Variants in BANK1 observed in about 807,000 individuals in gnomAD.
BANK1 encodes B-cell scaffold protein with ankyrin repeats.
Under a neutral mutation model 94.5 loss-of-function variants are expected in BANK1, and 95 were observed. The ratio of observed to expected loss-of-function variants is 1.00; its 90% confidence interval spans 0.85 to 1.19. BANK1 has a LOEUF of 1.19. Among genes scored for constraint, BANK1 ranks in the 50% most tolerant of loss-of-function variants. The pLI, the probability that BANK1 is intolerant of heterozygous loss-of-function variation, is 0.00. For synonymous variants in BANK1, 334 were observed against 308.4 expected, an observed-to-expected ratio of 1.08 and a Z score of -0.87; for missense variants, 987 against 932.2, an observed-to-expected ratio of 1.06 and a Z score of -0.77.
At chr4:102,029,310 C>T (rs374414367) in intron 9 of BANK1, among the ~76,000 whole-genome samples, 2 of 152,052 alleles carry the variant, frequency 1.3e-5, no homozygotes, top group East Asian at 3.9e-4. Context: ...GTGCCTTTGG[C>T]TATTTCTCCC....
intron 7 of BANK1, among the ~76,000 whole-genome samples, chr4:102,020,914 T>A (rs1186148475): frequency 6.6e-6 from 1 of 152,132 alleles, no homozygotes; most frequent in Non-Finnish European, 1.5e-5. Flanking sequence ...TCCATGTCTC[T>A]TTAGAGATTA....
chr4:101,931,376 G>A (rs979667427), intron 7 of BANK1, among the ~76,000 whole-genome samples: 1 of 151,540 alleles, frequency 6.6e-6, no homozygotes, highest in African/African-American at 2.4e-5. Flanking sequence ...GAACTGGAAT[G>A]TCTGTGTTTT....
intron 7 of BANK1, among the ~76,000 whole-genome samples, chr4:102,006,099 A>G (rs373767842): frequency 6.6e-6 from 1 of 152,068 alleles, no homozygotes; most frequent in Non-Finnish European, 1.5e-5. Context: ...CCCCCATTGT[A>G]TAATACTAAT....
intron 1 of BANK1, among the ~76,000 whole-genome samples, chr4:101,795,273 G>A (rs576271771): frequency 6.6e-6 from 1 of 152,242 alleles, no homozygotes; most frequent in African/African-American, 2.4e-5. Context: ...TAGTTGATAA[G>A]TAAGGGTGTC....
chr4:101,896,469 A>G (rs1578384462), intron 6 of BANK1, among the ~76,000 whole-genome samples: 1 of 152,106 alleles, frequency 6.6e-6, no homozygotes, highest in Middle Eastern at 3.4e-3. Context: ...ACTGCTTGTG[A>G]TTCACCTAGA....
chr4:102,071,217 G>T, intron 13 of BANK1, 58 bp from the exon 14 acceptor site: 1 of 1,547,536 alleles, frequency 6.5e-7, no homozygotes, highest in South Asian at 1.1e-5. Context: ...ATAAGAGAGA[G>T]AATTTAAGAT....
At chr4:101,906,316 A>T (rs188618397) in intron 6 of BANK1, among the ~76,000 whole-genome samples, 1 of 152,212 alleles carries the variant, frequency 6.6e-6, no homozygotes, top group African/African-American at 2.4e-5. Flanking sequence ...AAAGGCTCAA[A>T]TGTAGCTATA....
chr4:101,914,355 G>A (rs1722759606), intron 6 of BANK1, among the ~76,000 whole-genome samples: 1 of 152,024 alleles, frequency 6.6e-6, no homozygotes, highest in Non-Finnish European at 1.5e-5. Context: ...AGTACACAGG[G>A]GCCATAGCTT....
intron 7 of BANK1, among the ~76,000 whole-genome samples, chr4:102,001,486 G>A (rs189547003): frequency 1.0e-3 from 154 of 152,328 alleles, no homozygotes; most frequent in African/African-American, 3.6e-3. Context: ...TGTAGTCCCA[G>A]CTGCTTGGGA....
chr4:101,792,255 T>TC (rs771698917), intron 1 of BANK1, among the ~76,000 whole-genome samples: 18,235 of 128,484 alleles, frequency 0.14, 2,657 homozygotes, highest in African/African-American at 0.35. Flanking sequence ...TGCATTCCGC[T>TC]CCCCCCCCGC....
intron 3 of BANK1, among the ~76,000 whole-genome samples, chr4:101,855,432 A>G (rs1727646711): frequency 1.3e-5 from 2 of 152,228 alleles, no homozygotes; most frequent in African/African-American, 2.4e-5. Context: ...AAGCTCCAAC[A>G]TAGCTGTCAT....
At chr4:101,852,388 G>A (rs1028580466) in intron 2 of BANK1, among the ~76,000 whole-genome samples, 1 of 145,560 alleles carries the variant, frequency 6.9e-6, no homozygotes, top group Non-Finnish European at 1.5e-5. Flanking sequence ...ATTATTAGAT[G>A]TTATTAATAT....
intron 2 of BANK1, among the ~76,000 whole-genome samples, chr4:101,835,768 A>G (rs917686869): frequency 2.6e-5 from 4 of 152,090 alleles, no homozygotes; most frequent in African/African-American, 9.7e-5. Context: ...TCCTTTTTGC[A>G]TGGTCTTTCA....
At chr4:102,066,327 G>C (rs1351437576) in intron 13 of BANK1, among the ~76,000 whole-genome samples, 5 of 150,832 alleles carry the variant, frequency 3.3e-5, no homozygotes, top group African/African-American at 1.2e-4. Flanking sequence ...CACGATCTCG[G>C]CTCACTGCAA....
intron 2 of BANK1, among the ~76,000 whole-genome samples, chr4:101,853,746 C>T (rs1727580879): frequency 6.6e-6 from 1 of 152,000 alleles, no homozygotes; most frequent in African/African-American, 2.4e-5. Context: ...TGAGGGGTCT[C>T]CTGGGGCAAG....
intron 7 of BANK1, among the ~76,000 whole-genome samples, chr4:101,921,692 G>C (rs546228391): frequency 4.2e-4 from 64 of 152,008 alleles, no homozygotes; most frequent in Non-Finnish European, 8.0e-4. Flanking sequence ...TTGGAGACAG[G>C]TGTTCACTTA....
chr4:102,006,742 T>G (rs1233145470), intron 7 of BANK1, among the ~76,000 whole-genome samples: 1 of 151,846 alleles, frequency 6.6e-6, no homozygotes, highest in Non-Finnish European at 1.5e-5. Flanking sequence ...AGACAATCTT[T>G]CATAAGATAC....
intron 6 of BANK1, among the ~76,000 whole-genome samples, chr4:101,916,445 T>A (rs71597114): frequency 0.068 from 10,281 of 152,108 alleles, 580 homozygotes; most frequent in East Asian, 0.19. Context: ...ATCTTACTGT[T>A]AAATTCTTGT....
chr4:101,979,311 A>G (rs565589736), intron 7 of BANK1, among the ~76,000 whole-genome samples: 104 of 152,096 alleles, frequency 6.8e-4, no homozygotes, highest in African/African-American at 2.5e-3. Context: ...GACCATAAAA[A>G]ATTAATTTGT....
Sources: allele counts gnomAD v4.1 joint callset (sites outside exome capture counted in the v4.1 genomes callset), GRCh38; gene constraint gnomAD v4.1.1; transcripts MANE v1.5; gene names NCBI Gene and HGNC (gene_info 2026-07-23, HGNC 2026-07-21).